PKIB: variants seen among roughly 807,000 people sequenced by gnomAD.
PKIB encodes the protein cAMP-dependent protein kinase inhibitor beta.
PKIB carries 2 observed loss-of-function variants against 4.5 expected under a neutral mutation model. That is an observed-to-expected ratio of 0.44 (90% CI 0.18 to 1.39). PKIB has a LOEUF of 1.39. Ranked by LOEUF, PKIB falls within the 40% of genes most tolerant of loss-of-function variation. The pLI is 0.27. For synonymous variants in PKIB, 38 were observed against 36.0 expected, an observed-to-expected ratio of 1.06 and a Z score of -0.20; for missense variants, 94 against 92.6, an observed-to-expected ratio of 1.02 and a Z score of -0.06.
intron 2 of PKIB, among the ~76,000 whole-genome samples, chr6:122,667,316 T>C (rs1388221350): frequency 6.6e-6 from 1 of 152,184 alleles, no homozygotes; most frequent in Non-Finnish European, 1.5e-5. Flanking sequence ...CCCAGCACTT[T>C]GGGAGGCCGA....
At chr6:122,481,744 T>C (rs1775616362) in intron 2 of PKIB, 3 of 152,108 alleles carry the variant, frequency 2.0e-5, no homozygotes, top group South Asian at 4.1e-4. Flanking sequence ...ATTTGGTGAA[T>C]AGAGGTGAAA....
At chr6:122,681,979 C>T (rs915561414) in intron 3 of PKIB, among the ~76,000 whole-genome samples, 1 of 152,156 alleles carries the variant, frequency 6.6e-6, no homozygotes, top group Non-Finnish European at 1.5e-5. Context: ...ACTGATTGAA[C>T]TGTGGGATGG....
intron 3 of PKIB, among the ~76,000 whole-genome samples, chr6:122,677,464 T>C (rs908087562): frequency 1.3e-5 from 2 of 152,252 alleles, no homozygotes; most frequent in African/African-American, 4.8e-5. Context: ...TGAGGGGTTG[T>C]AGTCAGACTT....
intron 2 of PKIB, among the ~76,000 whole-genome samples, chr6:122,571,716 C>T (rs759903571): frequency 1.3e-5 from 2 of 152,146 alleles, no homozygotes; most frequent in Non-Finnish European, 2.9e-5. Flanking sequence ...ACCAGCACTA[C>T]AATAAATGCT....
chr6:122,631,774 A>G (rs1775714258), intron 1 of PKIB, among the ~76,000 whole-genome samples: 3 of 152,210 alleles, frequency 2.0e-5, no homozygotes, highest in African/African-American at 4.8e-5. Context: ...ATATGTTGCA[A>G]TGCCCTTAGG....
At chr6:122,672,738 G>A (rs1008063353) in intron 2 of PKIB, among the ~76,000 whole-genome samples, 3 of 151,170 alleles carry the variant, frequency 2.0e-5, no homozygotes, top group African/African-American at 7.3e-5. Flanking sequence ...TAATAATATA[G>A]CAAATAAGTT....
intron 3 of PKIB, among the ~76,000 whole-genome samples, chr6:122,694,574 A>G (rs1021756806): frequency 2.6e-5 from 4 of 152,132 alleles, no homozygotes; most frequent in Admixed American, 2.6e-4. Flanking sequence ...CCTTTCCACA[A>G]TTTAATCAAG....
chr6:122,679,477 C>T (rs991908142), intron 3 of PKIB, among the ~76,000 whole-genome samples: 7 of 152,004 alleles, frequency 4.6e-5, no homozygotes, highest in African/African-American at 1.2e-4. Flanking sequence ...GGGCAAAAAC[C>T]GAGGCAGGAA....
rs141375506 is a variant in PKIB at position 122,610,745 on chromosome 6, A to G, written c.-161+210A>G. Reference sequence around the variant, plus strand: ...CGATCCATCGTTTAACTCACAAGTCAGGGTACTTAGAGAGTGAAAAGGACG... The same window carrying G: ...CGATCCATCGTTTAACTCACAAGTCGGGGTACTTAGAGAGTGAAAAGGACG... On this transcript the variant is annotated intron_variant, in intron 1 of 4. Transcript: ENST00000368452. 1.7e-3 allele frequency among the ~76,000 whole-genome samples: 264 copies of G among 152,356 alleles called. 4 individuals carry two copies. The highest frequency in any genetic ancestry group is 5.9e-3 in the African/African-American group (244 of 41,602).
At chr6:122,654,597 T>C (rs1321147256) in intron 2 of PKIB, among the ~76,000 whole-genome samples, 2 of 152,172 alleles carry the variant, frequency 1.3e-5, no homozygotes, top group African/African-American at 2.4e-5. Context: ...ACCATAAATA[T>C]CGGTCAATAT....
chr6:122,524,571 G>T (rs1307741326), intron 2 of PKIB, among the ~76,000 whole-genome samples: 1 of 152,068 alleles, frequency 6.6e-6, no homozygotes, highest in African/African-American at 2.4e-5. Context: ...ATCTTTAAAT[G>T]TTTTGTAGAA....
intron 2 of PKIB, among the ~76,000 whole-genome samples, chr6:122,524,312 C>A (rs1224268343): frequency 6.9e-6 from 1 of 145,334 alleles, no homozygotes; most frequent in African/African-American, 2.6e-5. Context: ...CTTTCTTTTT[C>A]TTTTCCTCTT....
intron 2 of PKIB, among the ~76,000 whole-genome samples, chr6:122,581,120 C>G (rs866035334): frequency 6.6e-6 from 1 of 152,086 alleles, no homozygotes; most frequent in African/African-American, 2.4e-5. Context: ...TCAAATAGCT[C>G]TAGTAATTTT....
At chr6:122,487,191 G>A (rs1272614310) in intron 2 of PKIB, among the ~76,000 whole-genome samples, 1 of 152,164 alleles carries the variant, frequency 6.6e-6, no homozygotes, top group African/African-American at 2.4e-5. Flanking sequence ...ATCTGGTCCA[G>A]GGTCCAATAG....
intron 2 of PKIB, among the ~76,000 whole-genome samples, chr6:122,636,555 T>G (rs1157710807): frequency 1.3e-5 from 2 of 152,082 alleles, no homozygotes; most frequent in Non-Finnish European, 2.9e-5. Context: ...AAGTATGTTA[T>G]GCAGAAAGAA....
intron 2 of PKIB, among the ~76,000 whole-genome samples, chr6:122,645,974 T>C (rs1367234319): frequency 6.6e-6 from 1 of 152,146 alleles, no homozygotes; most frequent in Non-Finnish European, 1.5e-5. Context: ...GCCTTGCCTT[T>C]TTTTTTTGCA....
intron 2 of PKIB, among the ~76,000 whole-genome samples, chr6:122,509,020 A>AT (rs1776506743): frequency 6.6e-6 from 1 of 152,152 alleles, no homozygotes; most frequent in Non-Finnish European, 1.5e-5. Context: ...AAGTGCTGGG[A>AT]TTACAGGCGT....
At chr6:122,691,594 T>C (rs546419695) in intron 3 of PKIB, among the ~76,000 whole-genome samples, 1 of 147,674 alleles carries the variant, frequency 6.8e-6, no homozygotes, top group Non-Finnish European at 1.5e-5. Flanking sequence ...ATTGCTTCCC[T>C]GTGTTATCTT....
chr6:122,611,065 T>C (rs1336529984), intron 1 of PKIB, among the ~76,000 whole-genome samples: 2 of 152,180 alleles, frequency 1.3e-5, no homozygotes, highest in Non-Finnish European at 2.9e-5. Flanking sequence ...AATATGGAGG[T>C]GGGTAGACCG....
Sources: gnomAD v4.1 joint callset for allele counts (sites outside exome capture counted in the v4.1 genomes callset) on GRCh38, gnomAD v4.1.1 for gene constraint, MANE v1.5 for transcripts, NCBI Gene and HGNC (gene_info 2026-07-23, HGNC 2026-07-21) for gene names.